Variants in MEIKIN observed in about 807,000 individuals in gnomAD.
The protein encoded by MEIKIN is meiosis-specific kinetochore protein.
chr5:131,896,708 G>A lies in MEIKIN; in HGVS notation c.703+15107C>T, dbSNP rs527241431. Reference sequence around the variant, plus strand: ...ATCAGAGACTAGGATTGCAACTACTGCTTTTTCTCGCTTTCCATTTGCTTG... The same window carrying A: ...ATCAGAGACTAGGATTGCAACTACTACTTTTTCTCGCTTTCCATTTGCTTG... On this transcript the variant is annotated intron_variant, in intron 8 of 12. Coordinates refer to ENST00000442687, the MANE Select transcript of MEIKIN (RefSeq NM_001303622.2). Among the ~76,000 whole-genome samples, 5 of 152,174 alleles carry A rather than the reference G, an allele frequency of 3.3e-5. No individual in the cohort carries two copies. In the South Asian group the frequency reaches 8.3e-4, roughly 25 times the overall value.
intron 11 of MEIKIN, among the ~76,000 whole-genome samples, chr5:131,831,542 C>A (rs1176679062): frequency 6.6e-6 from 1 of 152,086 alleles, no homozygotes; most frequent in Admixed American, 6.6e-5. Flanking sequence ...GGTGACAGAG[C>A]AACAACGTGT....
At chr5:131,896,845 T>A (rs1165237333) in intron 8 of MEIKIN, among the ~76,000 whole-genome samples, 1 of 152,246 alleles carries the variant, frequency 6.6e-6, no homozygotes, top group African/African-American at 2.4e-5. Flanking sequence ...AATTTGCCAA[T>A]CTGTGTCTTT....
intron 4 of MEIKIN, among the ~76,000 whole-genome samples, chr5:131,938,681 C>G (rs1044941976): frequency 6.6e-6 from 1 of 152,094 alleles, no homozygotes; most frequent in Non-Finnish European, 1.5e-5. Context: ...ACACTTTTTA[C>G]AAGAGCCTGC....
At chr5:131,905,566 C>T (rs1751230668) in intron 8 of MEIKIN, among the ~76,000 whole-genome samples, 1 of 151,888 alleles carries the variant, frequency 6.6e-6, no homozygotes, top group Admixed American at 6.6e-5. Context: ...AGAGAAGAGC[C>T]AAATAAACAC....
intron 8 of MEIKIN, among the ~76,000 whole-genome samples, chr5:131,885,244 C>G (rs1033416522): frequency 1.3e-5 from 2 of 151,930 alleles, no homozygotes; most frequent in Non-Finnish European, 2.9e-5. Context: ...GCTGTGCTGG[C>G]TTTAGTTCTG....
intron 11 of MEIKIN, among the ~76,000 whole-genome samples, chr5:131,849,395 TTTATATATA>T (rs1750071412): frequency 7.1e-6 from 1 of 140,998 alleles, no homozygotes. Context: ...ACCTCTTTTC[TTTATATATA>T]TAAAGAAACC....
chr5:131,891,788 T>C (rs1041872312), intron 8 of MEIKIN, among the ~76,000 whole-genome samples: 117 of 152,362 alleles, frequency 7.7e-4, no homozygotes, highest in African/African-American at 2.6e-3. Flanking sequence ...TGCTCATTAG[T>C]TGATGCAGCA....
intron 11 of MEIKIN, among the ~76,000 whole-genome samples, chr5:131,847,388 G>A (rs1016137172): frequency 6.6e-6 from 1 of 152,008 alleles, no homozygotes; most frequent in Non-Finnish European, 1.5e-5. Flanking sequence ...AAAGAGAGCA[G>A]GGGCAGCTAT....
intron 9 of MEIKIN, among the ~76,000 whole-genome samples, chr5:131,865,153 TG>T (rs1467157993): frequency 6.6e-6 from 1 of 152,168 alleles, no homozygotes. Flanking sequence ...TATTGTTTTT[TG>T]GAATTCTCTT....
intron 5 of MEIKIN, among the ~76,000 whole-genome samples, chr5:131,925,419 T>C (rs1257137054): frequency 1.3e-5 from 2 of 152,234 alleles, no homozygotes; most frequent in East Asian, 3.8e-4. Context: ...ACATGGGATG[T>C]GCATCCATTT....
intron 8 of MEIKIN, among the ~76,000 whole-genome samples, chr5:131,900,785 G>A (rs1188330534): frequency 6.6e-6 from 1 of 152,102 alleles, no homozygotes; most frequent in African/African-American, 2.4e-5. Flanking sequence ...CCTCCTGGGA[G>A]AGCAGCATCA....
At chr5:131,866,685 GC>G (rs1417142091) in intron 9 of MEIKIN, among the ~76,000 whole-genome samples, 1 of 152,178 alleles carries the variant, frequency 6.6e-6, no homozygotes, top group Admixed American at 6.5e-5. Context: ...TGCCTCTTCA[GC>G]CCCAGGAGGG....
intron 9 of MEIKIN, among the ~76,000 whole-genome samples, chr5:131,870,893 G>A (rs1178985995): frequency 6.6e-6 from 1 of 152,086 alleles, no homozygotes; most frequent in Non-Finnish European, 1.5e-5. Flanking sequence ...TCCTTACAGT[G>A]ACAATCTAGT....
intron 9 of MEIKIN, among the ~76,000 whole-genome samples, chr5:131,859,830 T>C (rs991391552): frequency 2.6e-5 from 4 of 152,196 alleles, no homozygotes; most frequent in Non-Finnish European, 4.4e-5. Context: ...CCGTGTATGT[T>C]CTTGATGGCT....
At chr5:131,942,534 A>G in intron 4 of MEIKIN, 101 bp downstream of exon 4, 1 of 392,466 alleles carries the variant, frequency 2.5e-6, no homozygotes, top group Non-Finnish European at 4.5e-6. Context: ...GGGAAAAGAT[A>G]CCTCTTCCAC....
In MEIKIN at chr5:131,817,613, C is replaced by CAAA. The variant is rs36057131; in HGVS notation, c.1099+1124_1099+1126dup. ...CCTGGGTGACAGAGCGAGAATCTGT[C>CAAA]AAAAAAAAAAAAAATCCCCTCTCAT... is the stretch of plus-strand genomic sequence containing the variant. On this transcript the variant is annotated intron_variant, in intron 12 of 12. Transcript: ENST00000442687. 3.7e-3 allele frequency among the ~76,000 whole-genome samples: 530 copies of CAAA among 144,404 alleles called. 6 individuals carry two copies. The highest frequency in any genetic ancestry group is 0.013 in the African/African-American group (498 of 39,038). The allele number at this position is 144,404 out of a possible 152,430, so 94.7% of individuals were successfully genotyped here.
intron 4 of MEIKIN, among the ~76,000 whole-genome samples, chr5:131,941,761 A>G (rs1751873705): frequency 6.6e-6 from 1 of 152,202 alleles, no homozygotes; most frequent in African/African-American, 2.4e-5. Context: ...TTAATATACT[A>G]AAAACTGAAT....
intron 8 of MEIKIN, among the ~76,000 whole-genome samples, chr5:131,889,770 G>T (rs749225931): frequency 9.9e-5 from 15 of 152,174 alleles, no homozygotes; most frequent in Non-Finnish European, 2.2e-4. Flanking sequence ...TAATGCGAGA[G>T]GGCATCTTTG....
chr5:131,873,839 C>G (rs1435320826), intron 9 of MEIKIN, among the ~76,000 whole-genome samples: 1 of 152,186 alleles, frequency 6.6e-6, no homozygotes, highest in African/African-American at 2.4e-5. Context: ...GATTAAGAAA[C>G]TCACTCAAAA....
Sources: allele counts gnomAD v4.1 joint callset (sites outside exome capture counted in the v4.1 genomes callset), GRCh38; gene constraint gnomAD v4.1.1; transcripts MANE v1.5; gene names NCBI Gene and HGNC (gene_info 2026-07-23, HGNC 2026-07-21).